Variants in EPC1 observed in about 807,000 individuals in gnomAD.
The protein encoded by EPC1 is enhancer of polycomb 1.
A neutral mutation model predicts 98.4 loss-of-function variants in EPC1; 12 were observed. That is an observed-to-expected ratio of 0.12 (90% CI 0.08 to 0.20). The LOEUF (loss-of-function observed/expected upper bound fraction) is 0.20. EPC1 is among the 10% of genes least tolerant of loss of function. The pLI, the probability that EPC1 is intolerant of heterozygous loss-of-function variation, is 1.00. For synonymous variants in EPC1, 357 were observed against 363.9 expected, an observed-to-expected ratio of 0.98 and a Z score of 0.21; for missense variants, 729 against 990.5, an observed-to-expected ratio of 0.74 and a Z score of 3.54.
Position 32,269,035 on chromosome 10 carries a change from C to T in EPC1, c.*28G>A. 7 of 1,603,590 alleles carry T rather than the reference C, an allele frequency of 4.4e-6. No individual in the cohort carries two copies. The highest frequency in any genetic ancestry group is 6.0e-6 in the Non-Finnish European group (7 of 1,171,308). ...CTGATGCATAGCACCTAATCAAGTC[C>T]CCAGGCTGCAGTTCCACTCGGAGGA... On this transcript the variant is annotated 3_prime_UTR_variant, in exon 14 of 14. Coordinates refer to ENST00000319778, the MANE Select transcript of EPC1 (RefSeq NM_001272004.3).
chr10:32,289,774 C>T (rs1021680114), intron 6 of EPC1, among the ~76,000 whole-genome samples: 1 of 151,994 alleles, frequency 6.6e-6, no homozygotes, highest in Non-Finnish European at 1.5e-5. Context: ...CAGGCGCCCA[C>T]CAGCACGCCC....
Position 32,273,157 on chromosome 10 carries a change from C to A in EPC1, c.1863+6G>T. The A allele has an allele frequency of 6.2e-7, 1 of 1,614,042 alleles. No homozygotes were observed. The highest frequency in any genetic ancestry group is 2.2e-5 in the East Asian group (1 of 44,870). ...GGGATAATCATAAGACAGACAAATC[C>A]CTCACCTGTGATGTGTTGGTGGAGG... On this transcript the variant is annotated splice_donor_region_variant and intron_variant, in intron 11 of 13. Coordinates refer to ENST00000319778, the MANE Select transcript of EPC1 (RefSeq NM_001272004.3).
chr10:32,299,429 G>A (rs1835361906), intron 2 of EPC1, among the ~76,000 whole-genome samples: 1 of 152,024 alleles, frequency 6.6e-6, no homozygotes, highest in Non-Finnish European at 1.5e-5. Context: ...CAGGTGGCCC[G>A]CCCACCTTGG....
chr10:32,346,253 T>A (rs530829112), intron 1 of EPC1, among the ~76,000 whole-genome samples: 18 of 152,244 alleles, frequency 1.2e-4, no homozygotes, highest in African/African-American at 4.1e-4. Context: ...TCCCAGACCA[T>A]GGGGCAATCA....
At chr10:32,295,130 C>T (rs1350679293) in intron 2 of EPC1, among the ~76,000 whole-genome samples, 1 of 152,130 alleles carries the variant, frequency 6.6e-6, no homozygotes, top group Non-Finnish European at 1.5e-5. Flanking sequence ...AAGCATGCCT[C>T]CCTATTAGAA....
At chr10:32,275,878 A>C (rs1341436165) in intron 10 of EPC1, among the ~76,000 whole-genome samples, 1 of 151,970 alleles carries the variant, frequency 6.6e-6, no homozygotes, top group Non-Finnish European at 1.5e-5. Context: ...TGGAGGTTGC[A>C]GTTAGCTGAT....
chr10:32,336,579 T>C (rs1837988966), intron 1 of EPC1, among the ~76,000 whole-genome samples: 2 of 152,118 alleles, frequency 1.3e-5, no homozygotes, highest in South Asian at 4.1e-4. Context: ...CTAAGTTAGC[T>C]CTCCTATACC....
chr10:32,347,222 CG>C (rs887155257), upstream of EPC1: 4 of 1,212,004 alleles, frequency 3.3e-6, no homozygotes, highest in Admixed American at 4.3e-5. Flanking sequence ...GGCACGCGGG[CG>C]GGGGGAGGGA....
At chr10:32,344,044 A>G (rs922031280) in intron 1 of EPC1, among the ~76,000 whole-genome samples, 25 of 152,246 alleles carry the variant, frequency 1.6e-4, no homozygotes, top group Non-Finnish European at 5.9e-5. Flanking sequence ...ACCTAATAAG[A>G]TAACAAATAA....
intron 2 of EPC1, among the ~76,000 whole-genome samples, chr10:32,304,507 C>A (rs927005625): frequency 7.2e-5 from 11 of 152,260 alleles, no homozygotes; most frequent in Admixed American, 2.0e-4. Flanking sequence ...TGTAACAAAA[C>A]GTGACTGCAC....
At position 32,284,892 on chromosome 10, in the gene EPC1, A is replaced by G; in HGVS notation, c.1550T>C (p.Ile517Thr). The change falls in exon 10 of 14, where the codon ATA becomes ACA. Residue 517 changes from isoleucine to threonine, a missense_variant. Physicochemically the swap from Ile to Thr is moderately conservative, Grantham distance 89. This residue lies in a region of EPC1 where 390 missense variants were observed against 438.6 expected (regional missense o/e 0.89). Transcript: ENST00000319778. Reference protein sequence around the residue: ...DKSFSKDLSQILVNIKSCRWR... With the variant: ...DKSFSKDLSQTLVNIKSCRWR... ...TCTACATGATTTGATATTGACTAGT[A>G]TCTGACTGAGGTCTTTAGAGAAAGA... The G allele has an allele frequency of 6.2e-7, 1 of 1,614,208 alleles. No homozygotes were observed. The highest frequency in any genetic ancestry group is 1.1e-5 in the South Asian group (1 of 91,086).
chr10:32,298,715 C>A (rs543764060), intron 2 of EPC1, among the ~76,000 whole-genome samples: 2 of 152,040 alleles, frequency 1.3e-5, no homozygotes, highest in African/African-American at 2.4e-5. Flanking sequence ...ACTTAGGGAG[C>A]GAAAATGGTG....
intron 6 of EPC1, among the ~76,000 whole-genome samples, chr10:32,290,782 CTT>C (rs1456671849): frequency 1.4e-5 from 2 of 145,176 alleles, no homozygotes. Context: ...CTTTTTTTAT[CTT>C]TTTTTTTTTA....
At chr10:32,315,375 TAAAC>T (rs1836493500) in intron 1 of EPC1, among the ~76,000 whole-genome samples, 1 of 152,212 alleles carries the variant, frequency 6.6e-6, no homozygotes, top group Non-Finnish European at 1.5e-5. Flanking sequence ...TGCAGATTCC[TAAAC>T]AAAGATTAAA....
chr10:32,345,309 G>A (rs973107111), intron 1 of EPC1: 2 of 985,246 alleles, frequency 2.0e-6, no homozygotes, highest in Admixed American at 6.1e-5. Context: ...TTAGATTTAA[G>A]ACACTACTCT....
At chr10:32,310,043 A>C (rs1836115869) in intron 1 of EPC1, among the ~76,000 whole-genome samples, 1 of 151,838 alleles carries the variant, frequency 6.6e-6, no homozygotes, top group Admixed American at 6.6e-5. Flanking sequence ...AAAAATACAA[A>C]AATTAGCCAG....
At chr10:32,373,786 C>T (rs780569429) in intron 1 of EPC1, among the ~76,000 whole-genome samples, 1 of 152,170 alleles carries the variant, frequency 6.6e-6, no homozygotes, top group Non-Finnish European at 1.5e-5. Flanking sequence ...GTTAAAGTAT[C>T]TTAATAACAT....
intron 1 of EPC1, among the ~76,000 whole-genome samples, chr10:32,371,465 C>G (rs749647715): frequency 1.4e-4 from 22 of 152,102 alleles, no homozygotes; most frequent in Non-Finnish European, 2.9e-4. Context: ...TGATATTGAG[C>G]AAAACTAAAC....
intron 10 of EPC1, among the ~76,000 whole-genome samples, chr10:32,274,290 A>T (rs1161062106): frequency 6.6e-6 from 1 of 152,138 alleles, no homozygotes; most frequent in Non-Finnish European, 1.5e-5. Flanking sequence ...ACATTTCCTC[A>T]ATCTAAAGTT....
Sources: allele counts gnomAD v4.1 joint callset (sites outside exome capture counted in the v4.1 genomes callset), GRCh38; gene constraint gnomAD v4.1.1; regional missense constraint gnomAD v4.1.1; transcripts MANE v1.5; gene names NCBI Gene and HGNC (gene_info 2026-07-23, HGNC 2026-07-21).